The following CTNNA3 variants were observed in gnomAD, a reference collection of about 807,000 sequenced individuals.
CTNNA3 encodes catenin alpha-3.
CTNNA3 carries 76 observed loss-of-function variants against 95.7 expected under a neutral mutation model. The ratio of observed to expected loss-of-function variants is 0.79; its 90% CI spans 0.66 to 0.96. The LOEUF (loss-of-function observed/expected upper bound fraction) is 0.96, where lower values mean the gene tolerates loss of function less well. CTNNA3 is among the 40% of genes least tolerant of loss of function. CTNNA3 has a pLI of 0.00. For missense variants in CTNNA3, 1,191 were observed against 1,089.8 expected (o/e 1.09, Z -1.31); for synonymous variants, 431 against 374.4 (o/e 1.15, Z -1.74).
intron 10 of CTNNA3, among the ~76,000 whole-genome samples, chr10:66,542,119 C>A (rs1252034771): frequency 6.6e-6 from 1 of 152,024 alleles, no homozygotes; most frequent in Non-Finnish European, 1.5e-5. Flanking sequence ...ATTTATGCAG[C>A]CAAAAGACAC....
At chr10:66,286,800 A>G (rs2091596268) in intron 12 of CTNNA3, among the ~76,000 whole-genome samples, 1 of 152,050 alleles carries the variant, frequency 6.6e-6, no homozygotes, top group Non-Finnish European at 1.5e-5. Flanking sequence ...TACAAACTTC[A>G]ACTCTCTTTG....
chr10:66,686,292 C>A (rs1471439767), intron 9 of CTNNA3, among the ~76,000 whole-genome samples: 1 of 112,834 alleles, frequency 8.9e-6, no homozygotes, highest in Non-Finnish European at 1.8e-5. Flanking sequence ...TGGCGAAACC[C>A]CATCTCTACA....
intron 9 of CTNNA3, among the ~76,000 whole-genome samples, chr10:66,671,190 T>C (rs1162045775): frequency 2.6e-5 from 4 of 152,202 alleles, no homozygotes. Context: ...TAACTGTAAT[T>C]CTTCTGGAAA....
At chr10:67,533,492 A>G (rs1474160660) in intron 4 of CTNNA3, among the ~76,000 whole-genome samples, 1 of 152,186 alleles carries the variant, frequency 6.6e-6, no homozygotes, top group Non-Finnish European at 1.5e-5. Flanking sequence ...GAGCCAAAAT[A>G]CCTTTCCAAG....
chr10:67,196,101 A>C (rs1863359091), intron 6 of CTNNA3, among the ~76,000 whole-genome samples: 1 of 152,130 alleles, frequency 6.6e-6, no homozygotes, highest in Non-Finnish European at 1.5e-5. Context: ...ATGAGTGATA[A>C]AAATGGAATG....
At chr10:67,417,975 A>G (rs1845603683) in intron 5 of CTNNA3, among the ~76,000 whole-genome samples, 1 of 152,182 alleles carries the variant, frequency 6.6e-6, no homozygotes, top group Non-Finnish European at 1.5e-5. Flanking sequence ...CAACTGGTAA[A>G]TGGATAAGCA....
At chr10:66,114,134 G>T (rs1347978250) in intron 13 of CTNNA3, among the ~76,000 whole-genome samples, 2 of 151,992 alleles carry the variant, frequency 1.3e-5, no homozygotes, top group Non-Finnish European at 2.9e-5. Context: ...ATTTTAGTGA[G>T]GAAAATCTCA....
intron 5 of CTNNA3, among the ~76,000 whole-genome samples, chr10:67,268,869 TC>T (rs1316587306): frequency 6.6e-6 from 1 of 152,094 alleles, no homozygotes; most frequent in Admixed American, 6.6e-5. Flanking sequence ...TTTATAATCT[TC>T]CAAGGAATAT....
At chr10:67,306,651 T>C (rs1002977734) in intron 5 of CTNNA3, among the ~76,000 whole-genome samples, 1 of 152,170 alleles carries the variant, frequency 6.6e-6, no homozygotes, top group Non-Finnish European at 1.5e-5. Flanking sequence ...GCTGATGATA[T>C]TTTACCAGCT....
intron 7 of CTNNA3, among the ~76,000 whole-genome samples, chr10:66,977,737 A>G (rs999623529): frequency 1.6e-4 from 24 of 152,186 alleles, no homozygotes; most frequent in Admixed American, 6.5e-5. Context: ...TGCCATAGCA[A>G]AGTAAAGGAA....
In CTNNA3 at chr10:67,703,025, G is replaced by A. The variant is rs569959461; in HGVS notation, c.-1-55511C>T. ...CTACGCAAATAAACTAGAAAATCTA[G>A]AAGAAACGGATAAATTCCTTGACAT... On this transcript the variant is annotated intron_variant, in intron 1 of 17. Transcript: ENST00000684154. Among the ~76,000 whole-genome samples the A allele has an allele frequency of 1.4e-3, 208 of 152,294 alleles. 1 individual carries two copies. The Middle Eastern group carries it at 0.031, about 22-fold the overall frequency.
intron 9 of CTNNA3, among the ~76,000 whole-genome samples, chr10:66,662,666 A>T (rs1456560490): frequency 6.6e-6 from 1 of 151,996 alleles, no homozygotes; most frequent in South Asian, 2.1e-4. Flanking sequence ...TTTGCCTCTT[A>T]GGGGTATTTC....
intron 11 of CTNNA3, among the ~76,000 whole-genome samples, chr10:66,502,265 A>T (rs2131967152): frequency 6.6e-6 from 1 of 152,222 alleles, no homozygotes; most frequent in East Asian, 1.9e-4. Flanking sequence ...TCAGGTACTG[A>T]TATGTGTTGG....
intron 10 of CTNNA3, among the ~76,000 whole-genome samples, chr10:66,612,100 C>T (rs1844349350): frequency 6.6e-6 from 1 of 152,096 alleles, no homozygotes; most frequent in South Asian, 2.1e-4. Flanking sequence ...AGGTACTAGG[C>T]TATAAACCTC....
At chr10:66,110,591 A>C (rs754809895) in intron 13 of CTNNA3, among the ~76,000 whole-genome samples, 2 of 152,104 alleles carry the variant, frequency 1.3e-5, no homozygotes, top group Non-Finnish European at 2.9e-5. Flanking sequence ...TTGTCATCTT[A>C]ATACCAGAAT....
intron 3 of CTNNA3, among the ~76,000 whole-genome samples, chr10:67,580,682 A>G (rs1319955158): frequency 2.2e-4 from 33 of 151,284 alleles, no homozygotes; most frequent in Middle Eastern, 3.4e-3. Flanking sequence ...GATTCTTCCT[A>G]CCCATGAGCA....
At chr10:66,526,009 T>C (rs1841244864) in intron 10 of CTNNA3, among the ~76,000 whole-genome samples, 1 of 152,172 alleles carries the variant, frequency 6.6e-6, no homozygotes, top group African/African-American at 2.4e-5. Flanking sequence ...TTAAATAATA[T>C]TCTACAGTAT....
chr10:66,777,762 TACACACAC>T (rs372712619), intron 7 of CTNNA3, among the ~76,000 whole-genome samples: 9 of 136,868 alleles, frequency 6.6e-5, no homozygotes, highest in Admixed American at 3.6e-4. Context: ...AGAGACCTCC[TACACACAC>T]ACACACACAC....
At chr10:66,543,274 G>A (rs1841922515) in intron 10 of CTNNA3, among the ~76,000 whole-genome samples, 2 of 151,844 alleles carry the variant, frequency 1.3e-5, no homozygotes, top group African/African-American at 4.8e-5. Flanking sequence ...TGTATTTTTA[G>A]AAGAGACAGG....
Sources: gnomAD v4.1 joint callset for allele counts (sites outside exome capture counted in the v4.1 genomes callset) on GRCh38, gnomAD v4.1.1 for gene constraint, MANE v1.5 for transcripts, NCBI Gene and HGNC (gene_info 2026-07-23, HGNC 2026-07-21) for gene names.